Variants in PRKG1 observed in about 807,000 individuals in gnomAD.
The protein encoded by PRKG1 is protein kinase cGMP-dependent 1, also known as cGMP-dependent protein kinase 1.
Under a neutral mutation model 88.1 loss-of-function variants are expected in PRKG1, and 35 were observed. The ratio of observed to expected loss-of-function variants is 0.40; its 90% CI spans 0.30 to 0.53. PRKG1 has a LOEUF of 0.53. Ranked by LOEUF, PRKG1 falls within the 20% of genes least tolerant of loss-of-function variation. The pLI, the probability that PRKG1 is intolerant of heterozygous loss-of-function variation, is 0.59. For synonymous variants in PRKG1, 303 were observed against 292.5 expected, an observed-to-expected ratio of 1.04 and a Z score of -0.37; for missense variants, 540 against 839.8, an observed-to-expected ratio of 0.64 and a Z score of 4.41.
At chr10:52,191,260 A>T (rs1373578581) in intron 9 of PRKG1, among the ~76,000 whole-genome samples, 1 of 151,732 alleles carries the variant, frequency 6.6e-6, no homozygotes, top group Non-Finnish European at 1.5e-5. Flanking sequence ...TCAAGGTATC[A>T]TTCTCCCACC....
chr10:51,271,202 G>T (rs956950718), intron 2 of PRKG1, among the ~76,000 whole-genome samples: 4 of 152,060 alleles, frequency 2.6e-5, no homozygotes, highest in Admixed American at 6.5e-5. Context: ...TAGATGGTTG[G>T]GGGGGAGTAA....
chr10:51,796,852 A>G (rs1839024457), intron 3 of PRKG1, among the ~76,000 whole-genome samples: 1 of 152,072 alleles, frequency 6.6e-6, no homozygotes, highest in African/African-American at 2.4e-5. Context: ...CTTGACCTCC[A>G]TAACTGCATA....
chr10:51,085,990 G>A (rs1844237094), intron 1 of PRKG1, among the ~76,000 whole-genome samples: 1 of 152,148 alleles, frequency 6.6e-6, no homozygotes, highest in Admixed American at 6.5e-5. Context: ...AGGAAAATAT[G>A]ACATGAAAAA....
intron 8 of PRKG1, among the ~76,000 whole-genome samples, chr10:52,136,417 T>A (rs1837424414): frequency 1.3e-5 from 2 of 152,138 alleles, no homozygotes; most frequent in South Asian, 4.2e-4. Context: ...GGAGTTAATC[T>A]TGCCTCTTTT....
In PRKG1 at chr10:51,703,358, C is replaced by T. The variant is rs77659446; in HGVS notation, c.593-101227C>T. ...GACAGTCATTTTTGAAATAAGTGTACGGGTCCTTCAAGGAATAGCTCAAAT... is the reference window on the plus strand; with the variant it reads ...GACAGTCATTTTTGAAATAAGTGTATGGGTCCTTCAAGGAATAGCTCAAAT... On this transcript the variant is annotated intron_variant, in intron 3 of 17. Transcript: ENST00000373980. 3.5e-3 allele frequency among the ~76,000 whole-genome samples: 538 copies of T among 152,190 alleles called. 3 individuals are homozygous for T. Among genetic ancestry groups the T allele is most frequent in the Non-Finnish European group, 6.5e-3 (439 of 67,998 alleles).
chr10:51,291,051 C>G (rs914669807), intron 2 of PRKG1, among the ~76,000 whole-genome samples: 1 of 152,104 alleles, frequency 6.6e-6, no homozygotes, highest in Non-Finnish European at 1.5e-5. Context: ...GTGAAGTGAG[C>G]CTTTTCTGGT....
At chr10:51,956,865 A>G (rs1450616538) in intron 5 of PRKG1, among the ~76,000 whole-genome samples, 1 of 152,118 alleles carries the variant, frequency 6.6e-6, no homozygotes, top group Non-Finnish European at 1.5e-5. Flanking sequence ...GGTACTGTCC[A>G]GATCTATATG....
chr10:51,204,597 A>G (rs1439378664), intron 2 of PRKG1, among the ~76,000 whole-genome samples: 1 of 152,110 alleles, frequency 6.6e-6, no homozygotes, highest in Admixed American at 6.6e-5. Flanking sequence ...AGTTATAATT[A>G]TTTCCGCAGG....
intron 3 of PRKG1, among the ~76,000 whole-genome samples, chr10:51,777,530 T>TC (rs1838471696): frequency 1.3e-5 from 2 of 151,980 alleles, no homozygotes; most frequent in Non-Finnish European, 1.5e-5. Flanking sequence ...TATACTCCCT[T>TC]CCCCCACACA....
At chr10:51,783,746 A>G (rs1445817478) in intron 3 of PRKG1, among the ~76,000 whole-genome samples, 5 of 152,102 alleles carry the variant, frequency 3.3e-5, no homozygotes, top group Non-Finnish European at 7.4e-5. Flanking sequence ...TTACCTCTCA[A>G]GTTTGAGAAC....
At chr10:51,370,875 G>A (rs78909985) in intron 2 of PRKG1, among the ~76,000 whole-genome samples, 3,982 of 151,932 alleles carry the variant, frequency 0.026, 68 homozygotes, top group South Asian at 0.044. Flanking sequence ...ATGGCCATGC[G>A]TAGGGACTGT....
intron 4 of PRKG1, among the ~76,000 whole-genome samples, chr10:51,881,362 C>T (rs1841434074): frequency 6.6e-6 from 1 of 152,156 alleles, no homozygotes; most frequent in African/African-American, 2.4e-5. Flanking sequence ...CTGAGTGGTT[C>T]TTGTGCTCCA....
chr10:51,048,634 G>T (rs1215396007), intron 1 of PRKG1, among the ~76,000 whole-genome samples: 2 of 152,078 alleles, frequency 1.3e-5, no homozygotes, highest in Admixed American at 6.6e-5. Context: ...TACATTAGCT[G>T]GGAACTACTA....
intron 2 of PRKG1, among the ~76,000 whole-genome samples, chr10:51,199,208 T>A (rs1837850052): frequency 6.6e-6 from 1 of 152,198 alleles, no homozygotes; most frequent in African/African-American, 2.4e-5. Flanking sequence ...CAGTCTAGTT[T>A]TGCTGAATTA....
At chr10:51,399,377 A>G (rs563953425) in intron 2 of PRKG1, among the ~76,000 whole-genome samples, 2 of 152,296 alleles carry the variant, frequency 1.3e-5, no homozygotes, top group South Asian at 4.1e-4. Flanking sequence ...TCATTGGGAA[A>G]TTCACTGCAG....
At position 52,069,984 on chromosome 10, in the gene PRKG1, G is replaced by A. The variant is rs528317130; in HGVS notation, c.935+7353G>A. Among the ~76,000 whole-genome samples, 3 of 151,846 alleles carry A rather than the reference G, an allele frequency of 2.0e-5. No individual in the cohort carries two copies. In the South Asian group the frequency reaches 6.2e-4, roughly 32 times the overall value. On this transcript the variant is annotated intron_variant, in intron 7 of 17. Coordinates refer to ENST00000373980, the MANE Select transcript of PRKG1 (RefSeq NM_006258.4). ...ATATGTTAATATGTATATTTAACAT[G>A]TAACACTAATCAATAGCTCTATTCC...
chr10:52,199,713 T>C (rs1408263971), intron 9 of PRKG1, among the ~76,000 whole-genome samples: 1 of 152,094 alleles, frequency 6.6e-6, no homozygotes, highest in Non-Finnish European at 1.5e-5. Context: ...AGTGCAGATA[T>C]TTCTCCCTCC....
chr10:51,189,247 A>C (rs1837573045), intron 2 of PRKG1, among the ~76,000 whole-genome samples: 1 of 152,060 alleles, frequency 6.6e-6, no homozygotes, highest in South Asian at 2.1e-4. Context: ...AGGTTTTAAA[A>C]AATATTTCCT....
chr10:51,538,450 T>C (rs10823154), intron 3 of PRKG1, among the ~76,000 whole-genome samples: 52,545 of 114,518 alleles, frequency 0.46, 10,897 homozygotes, highest in Non-Finnish European at 0.56. Context: ...ATGTATTATA[T>C]ATTATATAAT....
Sources: gnomAD v4.1 joint callset for allele counts (sites outside exome capture counted in the v4.1 genomes callset) on GRCh38, gnomAD v4.1.1 for gene constraint, MANE v1.5 for transcripts, NCBI Gene and HGNC (gene_info 2026-07-23, HGNC 2026-07-21) for gene names.